Variants in KCNK1 observed in about 807,000 individuals in gnomAD.
KCNK1 encodes the protein potassium two pore domain channel subfamily K member 1, also known as potassium channel subfamily K member 1.
Under a neutral mutation model 22.2 loss-of-function variants are expected in KCNK1, and 10 were observed. That is an observed-to-expected ratio of 0.45 (90% CI 0.28 to 0.76). KCNK1 has a LOEUF of 0.76. Ranked by LOEUF, KCNK1 falls within the 30% of genes least tolerant of loss-of-function variation. The pLI is 0.14. For synonymous variants in KCNK1, 200 were observed against 186.4 expected (o/e 1.07, Z -0.60); for missense variants, 378 against 421.0 (o/e 0.90, Z 0.89).
chr1:233,659,839 C>T (rs1355840469), intron 1 of KCNK1, among the ~76,000 whole-genome samples: 1 of 152,064 alleles, frequency 6.6e-6, no homozygotes. Flanking sequence ...TAAACAAACA[C>T]AATAAACACA....
At chr1:233,656,748 AGCT>A (rs1160374868) in intron 1 of KCNK1, among the ~76,000 whole-genome samples, 1 of 152,136 alleles carries the variant, frequency 6.6e-6, no homozygotes, top group Non-Finnish European at 1.5e-5. Context: ...CCTCCCGAAT[AGCT>A]GGGACTACTG....
At chr1:233,644,472 C>G (rs1043436014) in intron 1 of KCNK1, among the ~76,000 whole-genome samples, 2 of 152,210 alleles carry the variant, frequency 1.3e-5, no homozygotes, top group Non-Finnish European at 2.9e-5. Flanking sequence ...GGAAGGCAAT[C>G]AGTACATAAT....
At chr1:233,629,892 C>T (rs910835973) in intron 1 of KCNK1, 5 of 152,218 alleles carry the variant, frequency 3.3e-5, no homozygotes, top group African/African-American at 1.2e-4. Flanking sequence ...ATTTCACAAC[C>T]CAAACCCGAC....
intron 1 of KCNK1, among the ~76,000 whole-genome samples, chr1:233,642,513 G>A (rs1228518771): frequency 6.6e-6 from 1 of 152,184 alleles, no homozygotes; most frequent in Non-Finnish European, 1.5e-5. Context: ...AAGTGTGAAA[G>A]GGCAGGGGGT....
chr1:233,624,503 C>G (rs918267078), intron 1 of KCNK1, among the ~76,000 whole-genome samples: 1 of 152,148 alleles, frequency 6.6e-6, no homozygotes, highest in Non-Finnish European at 1.5e-5. Context: ...GCACCTGGTT[C>G]CCATAGCACC....
intron 1 of KCNK1, among the ~76,000 whole-genome samples, chr1:233,660,936 T>G (rs780082): frequency 0.32 from 48,214 of 152,128 alleles, 7,715 homozygotes; most frequent in Admixed American, 0.34. Flanking sequence ...GGGCTCAACT[T>G]GTTATTTGTA....
At chr1:233,615,411 C>T (rs1180377112) in intron 1 of KCNK1, among the ~76,000 whole-genome samples, 1 of 152,196 alleles carries the variant, frequency 6.6e-6, no homozygotes, top group Non-Finnish European at 1.5e-5. Flanking sequence ...GTCACTGTGC[C>T]AGATCAGATG....
At chr1:233,649,236 C>T (rs757092025) in intron 1 of KCNK1, among the ~76,000 whole-genome samples, 2 of 152,190 alleles carry the variant, frequency 1.3e-5, no homozygotes, top group Non-Finnish European at 2.9e-5. Context: ...GGAAAGTTAG[C>T]GTTTGAAAAA....
At chr1:233,663,993 G>C (rs1325913823) in intron 1 of KCNK1, among the ~76,000 whole-genome samples, 1 of 151,890 alleles carries the variant, frequency 6.6e-6, no homozygotes, top group Non-Finnish European at 1.5e-5. Flanking sequence ...TACCATGCCC[G>C]GCTAATTTTT....
At chr1:233,651,697 A>G (rs1340928264) in intron 1 of KCNK1, among the ~76,000 whole-genome samples, 1 of 152,180 alleles carries the variant, frequency 6.6e-6, no homozygotes, top group East Asian at 1.9e-4. Context: ...CCCAGATAGA[A>G]AGGTGGGTCT....
chr1:233,630,013 C>G (rs562965931), intron 1 of KCNK1: 58 of 152,282 alleles, frequency 3.8e-4, no homozygotes, highest in African/African-American at 1.1e-3. Context: ...TTCTGTGTCT[C>G]TTCACCTCCT....
At chr1:233,649,911 C>T (rs1558116103) in intron 1 of KCNK1, 1 of 532,224 alleles carries the variant, frequency 1.9e-6, no homozygotes, top group African/African-American at 1.9e-5. Flanking sequence ...AGAACACCAT[C>T]CTCTTCTGTG....
chr1:233,655,302 T>C (rs1174623514), intron 1 of KCNK1, among the ~76,000 whole-genome samples: 2 of 152,220 alleles, frequency 1.3e-5, no homozygotes, highest in Non-Finnish European at 2.9e-5. Flanking sequence ...ACTTGTTTAA[T>C]TTCACAGGCT....
chr1:233,661,702 T>C (rs967066587), intron 1 of KCNK1, among the ~76,000 whole-genome samples: 1 of 152,236 alleles, frequency 6.6e-6, no homozygotes, highest in African/African-American at 2.4e-5. Flanking sequence ...ACGGAAGATG[T>C]ACATTCCTTG....
At chr1:233,660,783 GTTC>G (rs981118824) in intron 1 of KCNK1, 1 of 152,164 alleles carries the variant, frequency 6.6e-6, no homozygotes, top group Non-Finnish European at 1.5e-5. Flanking sequence ...AGACATCATT[GTTC>G]TTCTTTTGCA....
At chr1:233,637,741 G>A (rs1189149913) in intron 1 of KCNK1, among the ~76,000 whole-genome samples, 2 of 152,072 alleles carry the variant, frequency 1.3e-5, no homozygotes, top group Non-Finnish European at 2.9e-5. Context: ...ATGTAATGTC[G>A]TTTTGGGAAC....
chr1:233,626,905 A>G (rs1184927888), intron 1 of KCNK1, among the ~76,000 whole-genome samples: 2 of 152,206 alleles, frequency 1.3e-5, no homozygotes, highest in African/African-American at 4.8e-5. Context: ...CAAAGAATAA[A>G]TAAATATCTC....
intron 1 of KCNK1, chr1:233,629,990 G>A (rs954765845): frequency 1.7e-4 from 26 of 152,260 alleles, no homozygotes; most frequent in African/African-American, 6.0e-4. Context: ...GATATAGAAG[G>A]GAACAACCCC....
At chr1:233,661,207 T>C (rs747369322) in intron 1 of KCNK1, among the ~76,000 whole-genome samples, 2 of 152,310 alleles carry the variant, frequency 1.3e-5, no homozygotes, top group Non-Finnish European at 2.9e-5. Flanking sequence ...TTATTTCTAA[T>C]CGTTCTTTCA....
Sources: gnomAD v4.1 joint callset for allele counts (sites outside exome capture counted in the v4.1 genomes callset) on GRCh38, gnomAD v4.1.1 for gene constraint, MANE v1.5 for transcripts, NCBI Gene and HGNC (gene_info 2026-07-23, HGNC 2026-07-21) for gene names.